The following OSBPL3 variants were observed in gnomAD, a reference collection of about 807,000 sequenced individuals.
OSBPL3 encodes oxysterol-binding protein-related protein 3.
A neutral mutation model predicts 120.1 loss-of-function variants in OSBPL3; 65 were observed. The observed-to-expected ratio is 0.54, with a 90% CI of 0.44 to 0.67. The LOEUF is 0.67. Among genes scored for constraint, OSBPL3 ranks in the 30% least tolerant of loss-of-function variants. OSBPL3 has a pLI of 0.00. For missense variants in OSBPL3, 1,004 were observed against 1,082.1 expected (o/e 0.93, Z 1.01); for synonymous variants, 416 against 402.6 (o/e 1.03, Z -0.40).
At chr7:24,864,152 G>A (rs1185642896) in intron 7 of OSBPL3, among the ~76,000 whole-genome samples, 1 of 152,162 alleles carries the variant, frequency 6.6e-6, no homozygotes, top group Non-Finnish European at 1.5e-5. Context: ...ACCATAATAA[G>A]CCTCTTGCAC....
intron 1 of OSBPL3, among the ~76,000 whole-genome samples, chr7:24,905,473 A>C (rs1407537081): frequency 1.3e-5 from 2 of 152,166 alleles, no homozygotes; most frequent in East Asian, 3.9e-4. Flanking sequence ...GATTCTGTGA[A>C]GATTATTAGA....
chr7:24,901,806 G>A (rs17150497), intron 1 of OSBPL3, among the ~76,000 whole-genome samples: 5,942 of 152,238 alleles, frequency 0.039, 363 homozygotes, highest in African/African-American at 0.13. Context: ...TGTGCACCAA[G>A]CTCAAGCTAT....
intron 12 of OSBPL3, among the ~76,000 whole-genome samples, chr7:24,847,204 C>A: frequency 6.6e-6 from 1 of 152,188 alleles, no homozygotes; most frequent in South Asian, 2.1e-4. Context: ...CCGGGAGTTA[C>A]CGAAAAAAAA....
At chr7:24,973,337 T>C (rs2128543863) in intron 1 of OSBPL3, among the ~76,000 whole-genome samples, 1 of 152,350 alleles carries the variant, frequency 6.6e-6, no homozygotes, top group East Asian at 1.9e-4. Context: ...AATTTGCTTC[T>C]TGGCTTTAAA....
intron 1 of OSBPL3, among the ~76,000 whole-genome samples, chr7:24,928,724 T>C (rs944536094): frequency 6.6e-6 from 1 of 152,152 alleles, no homozygotes; most frequent in Non-Finnish European, 1.5e-5. Context: ...TACCATCTGG[T>C]TTTACCTGTT....
intron 1 of OSBPL3, among the ~76,000 whole-genome samples, chr7:24,954,392 G>A (rs1814796426): frequency 6.6e-6 from 1 of 152,282 alleles, no homozygotes; most frequent in Non-Finnish European, 1.5e-5. Flanking sequence ...ATATAATTAA[G>A]AATGTTGTTA....
rs114440172 is a variant in OSBPL3 at position 24,873,179 on chromosome 7, T to C, written c.97-1110A>G. 2.6e-4 allele frequency among the ~76,000 whole-genome samples: 39 copies of C among 152,314 alleles called. No individual in the cohort carries two copies. Among genetic ancestry groups the C allele is most frequent in the African/African-American group, 9.4e-4 (39 of 41,556 alleles). ...AAATCTCCAGCCCACAGGCAGGTGG[T>C]ACAGGCAGAAGCCAAGGGCACTGGG... On this transcript the variant is annotated intron_variant, in intron 2 of 22. Transcript: ENST00000313367. The surrounding 1 kb of genome is among the most constrained non-coding windows in gnomAD (Gnocchi z 4.1).
intron 14 of OSBPL3, 33 bp downstream of exon 14, chr7:24,840,657 A>C (rs754458617): frequency 2.0e-6 from 2 of 993,462 alleles, no homozygotes; most frequent in African/African-American, 3.4e-5. Flanking sequence ...TGAAAATCCA[A>C]ACTTTTCAGA....
In OSBPL3 at chr7:24,883,099, T is replaced by C. The variant is rs1027857685; in HGVS notation, c.96+9278A>G. Among the ~76,000 whole-genome samples, 1 of 152,188 alleles carries C rather than the reference T, an allele frequency of 6.6e-6. No individual in the cohort carries two copies. The highest frequency in any genetic ancestry group is 1.5e-5 in the Non-Finnish European group (1 of 68,040). On this transcript the variant is annotated intron_variant, in intron 2 of 22. Coordinates refer to ENST00000313367, the MANE Select transcript of OSBPL3 (RefSeq NM_015550.4). The surrounding 1 kb of genome is among the most constrained non-coding windows in gnomAD (Gnocchi z 5.4). ...TTAAGTAGGAAGTGAACATGTCTTT[T>C]TATGATTCAGCTCACTACACAGGGC...
At chr7:24,809,709 A>G in intron 20 of OSBPL3, 98 bp downstream of exon 20, 1 of 1,119,444 alleles carries the variant, frequency 8.9e-7, no homozygotes, top group Non-Finnish European at 1.3e-6. Context: ...GAGGCTGGAG[A>G]TGCTGAACAG....
At chr7:24,980,184 G>T, upstream of OSBPL3, 2 of 366,286 alleles carry the variant, frequency 5.5e-6, no homozygotes, top group Non-Finnish European at 7.6e-6. Flanking sequence ...TTCTCGGCGC[G>T]CGCCGCCCGG....
At chr7:24,807,497 A>C (rs1462670673) in intron 20 of OSBPL3, among the ~76,000 whole-genome samples, 1 of 139,502 alleles carries the variant, frequency 7.2e-6, no homozygotes, top group East Asian at 2.0e-4. Context: ...CCATCTCAAA[A>C]ATAATAATAA....
chr7:24,825,222 T>G (rs979541477), intron 16 of OSBPL3, among the ~76,000 whole-genome samples: 1 of 152,146 alleles, frequency 6.6e-6, no homozygotes, highest in Non-Finnish European at 1.5e-5. Flanking sequence ...TCCCAGTCAT[T>G]GATTTTAGTG....
chr7:24,798,810 T>C lies in OSBPL3; in HGVS notation c.*1373A>G, dbSNP rs997827007. On this transcript the variant is annotated 3_prime_UTR_variant, in exon 23 of 23. Transcript: ENST00000313367. This position sits in a 1 kb window ranked among gnomAD's most constrained non-coding sequence, Gnocchi z 4.6. ...CTACATCATTATACTTGATATTCCA[T>C]AGCATTGCTATGGACTTTAGAATAA... The C allele has an allele frequency of 3.3e-5, 5 of 152,648 alleles. No homozygotes were observed. The highest frequency in any genetic ancestry group is 1.9e-4 in the East Asian group (1 of 5,198). The allele number at this position is 152,648 out of a possible 1,614,324, so 9.5% of individuals were successfully genotyped here.
At position 24,873,963 on chromosome 7, in the gene OSBPL3, T is replaced by C. The variant is rs79169076; in HGVS notation, c.97-1894A>G. On this transcript the variant is annotated intron_variant, in intron 2 of 22. Coordinates refer to ENST00000313367, the MANE Select transcript of OSBPL3 (RefSeq NM_015550.4). This position sits in a 1 kb window ranked among gnomAD's most constrained non-coding sequence, Gnocchi z 4.1. ...GGTTCACCACTTACTTATGATAACA[T>C]GTACATGCGGTTTTATCATCCCTGC... Among the ~76,000 whole-genome samples, 1,166 of 152,276 alleles carry C rather than the reference T, an allele frequency of 7.7e-3. 31 individuals are homozygous for C. Among genetic ancestry groups the C allele is most frequent in the East Asian group, 0.052 (270 of 5,170 alleles).
At chr7:24,814,552 A>G (rs1475474202) in intron 19 of OSBPL3, among the ~76,000 whole-genome samples, 2 of 152,004 alleles carry the variant, frequency 1.3e-5, no homozygotes, top group East Asian at 3.9e-4. Flanking sequence ...AAATACATTC[A>G]CAATGCTGTG....
chr7:24,804,328 GCTGGTGCTCCACATGATTTTCTTCTAAGA>G lies in OSBPL3; in HGVS notation c.2525_2553del (p.Val842AlafsTer10), dbSNP rs1792758146. 2 of 1,614,022 alleles carry G rather than the reference GCTGGTGCTCCACATGATTTTCTTCTAAGA, an allele frequency of 1.2e-6. No individual in the cohort carries two copies. Among genetic ancestry groups the G allele is most frequent in the Admixed American group, 3.3e-5 (2 of 60,000 alleles). On this transcript the variant is annotated frameshift_variant, in exon 22 of 23. Coordinates refer to ENST00000313367, the MANE Select transcript of OSBPL3 (RefSeq NM_015550.4). LOFTEE classifies it high-confidence loss of function. The surrounding 1 kb of genome is among the most constrained non-coding windows in gnomAD (Gnocchi z 5.4). ...CCAGGCACGAACCTGAAAAACCGAG[GCTGGTGCTCCACATGATTTTCTTCTAAGA>G]CCCGCCGCCTTTCTCTCTGCAGTTG... is the stretch of plus-strand genomic sequence containing the variant.
At chr7:24,973,922 G>A (rs991690610) in intron 1 of OSBPL3, among the ~76,000 whole-genome samples, 1 of 152,116 alleles carries the variant, frequency 6.6e-6, no homozygotes, top group African/African-American at 2.4e-5. Flanking sequence ...AAATGTAATA[G>A]GAGCCATAGA....
chr7:24,890,363 G>A (rs562578256), intron 2 of OSBPL3, among the ~76,000 whole-genome samples: 4 of 152,120 alleles, frequency 2.6e-5, no homozygotes, highest in Non-Finnish European at 5.9e-5. Context: ...TTTAGCAACC[G>A]ACAGACCATC....
Sources: gnomAD v4.1 joint callset for allele counts (sites outside exome capture counted in the v4.1 genomes callset) on GRCh38, gnomAD v4.1.1 for gene constraint, Gnocchi (gnomAD v3.1) non-coding constraint, MANE v1.5 for transcripts, NCBI Gene and HGNC (gene_info 2026-07-23, HGNC 2026-07-21) for gene names.